The following FLT3 variants were observed in gnomAD, a reference collection of about 807,000 sequenced individuals.
The protein encoded by FLT3 is receptor-type tyrosine-protein kinase FLT3.
FLT3 carries 46 observed loss-of-function variants against 126.6 expected under a neutral mutation model. The ratio of observed to expected loss-of-function variants is 0.36; its 90% CI spans 0.29 to 0.46. The LOEUF is 0.46. Ranked by LOEUF, FLT3 falls within the 20% of genes least tolerant of loss-of-function variation. The probability of loss-of-function intolerance (pLI) is 1.00; values close to 1 mark genes in which losing one functional copy is unlikely to be tolerated. For synonymous variants in FLT3, 404 were observed against 434.4 expected (o/e 0.93, Z 0.87); for missense variants, 1,069 against 1,190.3 (o/e 0.90, Z 1.50).
chr13:28,041,412 T>C (rs900748028), intron 9 of FLT3, among the ~76,000 whole-genome samples: 1 of 152,216 alleles, frequency 6.6e-6, no homozygotes, highest in Non-Finnish European at 1.5e-5. Flanking sequence ...TTACTTATCA[T>C]GAGGCAGACC....
At position 28,014,559 on chromosome 13, in the gene FLT3, T is replaced by G. The variant is rs774626768; in HGVS notation, c.2754-2A>C. ...CAGCAGGATTGCATTATAATGTATC[T>G]GTAAAAGCAATAGAACAAGGAACAA... On this transcript the variant is annotated splice_acceptor_variant, in intron 22 of 23. Transcript: ENST00000241453. LOFTEE classifies it high-confidence loss of function. The G allele has an allele frequency of 1.2e-6, 2 of 1,600,748 alleles. No homozygotes were observed. The highest frequency in any genetic ancestry group is 8.6e-7 in the Non-Finnish European group (1 of 1,168,076).
chr13:28,057,182 T>A (rs1297706395), intron 4 of FLT3, among the ~76,000 whole-genome samples, 165 bp downstream of exon 4: 3 of 152,204 alleles, frequency 2.0e-5, no homozygotes, highest in Non-Finnish European at 4.4e-5. Flanking sequence ...TTCTCAGTTC[T>A]CTATAGGTTC....
At chr13:28,069,277 T>C (rs981129740) in intron 2 of FLT3, among the ~76,000 whole-genome samples, 1 of 152,042 alleles carries the variant, frequency 6.6e-6, no homozygotes, top group Non-Finnish European at 1.5e-5. Flanking sequence ...GAATATGAGA[T>C]GATTATATGA....
intron 9 of FLT3, among the ~76,000 whole-genome samples, chr13:28,048,037 A>G (rs530209018): frequency 6.6e-6 from 1 of 152,326 alleles, no homozygotes; most frequent in South Asian, 2.1e-4. Context: ...CTCAAACTAG[A>G]CCAGACTAAT....
intron 16 of FLT3, 123 bp downstream of exon 16, chr13:28,028,055 T>G: frequency 1.6e-6 from 1 of 639,226 alleles, no homozygotes; most frequent in South Asian, 1.8e-5. Flanking sequence ...GTTTGAGAGT[T>G]CACACTGTGA....
Position 28,004,028 on chromosome 13 carries a change from A to G in FLT3, c.*24T>C. 1 of 1,613,864 alleles carries G rather than the reference A, an allele frequency of 6.2e-7. No homozygotes were observed. The highest frequency in any genetic ancestry group is 1.1e-5 in the South Asian group (1 of 91,070). ...CTGTTAGGGATAGGTGGAGGGATGA[A>G]GTCCTTAAAACTAAATTGTTCCTCT... On this transcript the variant is annotated 3_prime_UTR_variant, in exon 24 of 24. Coordinates refer to ENST00000241453, the MANE Select transcript of FLT3 (RefSeq NM_004119.3).
intron 9 of FLT3, among the ~76,000 whole-genome samples, chr13:28,038,115 G>A (rs763898981): frequency 2.6e-5 from 4 of 152,192 alleles, no homozygotes; most frequent in Non-Finnish European, 5.9e-5. Flanking sequence ...ACAACGATGA[G>A]GGCTCAAATC....
chr13:28,064,463 C>T (rs1341711798), intron 2 of FLT3, among the ~76,000 whole-genome samples: 2 of 152,030 alleles, frequency 1.3e-5, no homozygotes, highest in African/African-American at 2.4e-5. Flanking sequence ...ATCCCAGCTA[C>T]TTGGGAGGCT....
intron 23 of FLT3, among the ~76,000 whole-genome samples, chr13:28,008,176 T>C (rs1871074640): frequency 6.8e-6 from 1 of 147,286 alleles, no homozygotes; most frequent in Non-Finnish European, 1.5e-5. Flanking sequence ...AAGATCCCCA[T>C]CTCTGCAAAA....
rs143382775 is a variant in FLT3, at chr13:28,009,082, T to C, written c.2860-4908A>G. ...GCCTCGACTTCCTGGGCTCAGGGAA[T>C]CCTCCCAGCTCAGCCTCCTGAGTAG... is the stretch of plus-strand genomic sequence containing the variant. On this transcript the variant is annotated intron_variant, in intron 23 of 23. Transcript: ENST00000241453. Among the ~76,000 whole-genome samples, 423 of 152,212 alleles carry C rather than the reference T, an allele frequency of 2.8e-3. 1 individual carries two copies. Among genetic ancestry groups the C allele is most frequent in the Admixed American group, 6.0e-3 (92 of 15,272 alleles).
chr13:28,006,037 T>C (rs1244777789), intron 23 of FLT3, among the ~76,000 whole-genome samples: 3 of 152,018 alleles, frequency 2.0e-5, no homozygotes, highest in African/African-American at 7.2e-5. Flanking sequence ...GGCGGGAGGA[T>C]TGCTTGAGGC....
intron 1 of FLT3, among the ~76,000 whole-genome samples, chr13:28,090,557 C>A (rs1044072761): frequency 5.3e-5 from 8 of 152,062 alleles, no homozygotes; most frequent in Non-Finnish European, 8.8e-5. Context: ...GCAGGAGGAT[C>A]ACTTGAGCTC....
chr13:28,073,408 A>G, intron 1 of FLT3: 1 of 446,062 alleles, frequency 2.2e-6, no homozygotes, highest in Non-Finnish European at 4.4e-6. Flanking sequence ...GTAGATAGCG[A>G]CAGGAGGTAA....
Position 28,057,423 on chromosome 13 carries a change from G to A in FLT3, c.408C>T (p.Thr136=). ...TAAAAAGTAGGTATTCTCCAGCTTGGGTTTCTGTCATTTTCAAAATGACCA... is the reference window on the plus strand; with the variant it reads ...TAAAAAGTAGGTATTCTCCAGCTTGAGTTTCTGTCATTTTCAAAATGACCA... The part of the protein sequence containing the change: ...VSMVILKMTE[T]QAGEYLLFIQ... The change falls in exon 4 of 24, where the codon ACC becomes ACT. Residue 136 remains threonine (T), a synonymous_variant. Coordinates refer to ENST00000241453, the MANE Select transcript of FLT3 (RefSeq NM_004119.3). The A allele has an allele frequency of 6.3e-7, 1 of 1,582,646 alleles. No individual in the cohort carries two copies. Among genetic ancestry groups the A allele is most frequent in the Non-Finnish European group, 8.7e-7 (1 of 1,151,406 alleles).
intron 1 of FLT3, chr13:28,073,369 A>G (rs1222137298): frequency 7.6e-6 from 3 of 393,394 alleles, no homozygotes; most frequent in East Asian, 7.5e-5. Context: ...AAAAAAAAAA[A>G]GCATTTTTTA....
intron 23 of FLT3, among the ~76,000 whole-genome samples, chr13:28,010,185 AATG>A (rs1193735858): frequency 6.6e-6 from 1 of 152,138 alleles, no homozygotes; most frequent in Non-Finnish European, 1.5e-5. Flanking sequence ...CGGGGTCTAT[AATG>A]ATGAACCAAA....
At chr13:28,089,959 T>C (rs1878925667) in intron 1 of FLT3, among the ~76,000 whole-genome samples, 1 of 151,876 alleles carries the variant, frequency 6.6e-6, no homozygotes, top group Non-Finnish European at 1.5e-5. Context: ...CAGGCTGGTC[T>C]CAAACTCCTG....
chr13:28,075,259 A>G (rs1877850100), intron 1 of FLT3, among the ~76,000 whole-genome samples: 1 of 152,102 alleles, frequency 6.6e-6, no homozygotes, highest in South Asian at 2.1e-4. Context: ...ATTTTTTCAT[A>G]TATTTCATAT....
At chr13:28,019,418 T>C (rs924615192) in intron 19 of FLT3, among the ~76,000 whole-genome samples, 1 of 152,120 alleles carries the variant, frequency 6.6e-6, no homozygotes, top group African/African-American at 2.4e-5. Flanking sequence ...TGTCGTGATG[T>C]TAATCAAAGG....
Sources: gnomAD v4.1 joint callset for allele counts (sites outside exome capture counted in the v4.1 genomes callset) on GRCh38, gnomAD v4.1.1 for gene constraint, MANE v1.5 for transcripts, NCBI Gene and HGNC (gene_info 2026-07-23, HGNC 2026-07-21) for gene names.